TRAF7: variants seen among roughly 807,000 people sequenced by gnomAD.
TRAF7 encodes E3 ubiquitin-protein ligase TRAF7.
A neutral mutation model predicts 89.3 loss-of-function variants in TRAF7; 45 were observed. That is an observed-to-expected ratio of 0.50 (90% confidence interval 0.40 to 0.65). The LOEUF is 0.65. TRAF7 is among the 30% of genes least tolerant of loss of function. The pLI is 0.00. For missense variants in TRAF7, 677 were observed against 918.1 expected, an observed-to-expected ratio of 0.74 and a Z score of 3.39; for synonymous variants, 406 against 369.2, an observed-to-expected ratio of 1.10 and a Z score of -1.14.
chr16:2,173,142 G>A, intron 9 of TRAF7, 40 bp from the exon 10 acceptor site: 1 of 1,576,124 alleles, frequency 6.3e-7, no homozygotes, highest in Non-Finnish European at 8.6e-7. Flanking sequence ...GGAGGCACCG[G>A]CAGGGACCCG....
rs1476118719 is a variant in TRAF7 at position 2,174,209 on chromosome 16, G to C, written c.1264-42G>C. The C allele has an allele frequency of 4.4e-6, 7 of 1,605,976 alleles. No individual in the cohort carries two copies. The South Asian group carries it at 7.7e-5, about 18-fold the overall frequency. ...CCTGTCATGCTGCCCCTTGACACTGGGCTGACCTTGCTGGGACCCACTGTG... is the reference window on the plus strand; with the variant it reads ...CCTGTCATGCTGCCCCTTGACACTGCGCTGACCTTGCTGGGACCCACTGTG... On this transcript the variant is annotated intron_variant, in intron 13 of 20. Transcript: ENST00000326181.
At position 2,168,969 on chromosome 16, in the gene TRAF7, G is replaced by A. The variant is rs1033029156; in HGVS notation, c.231+801G>A. 5.3e-5 allele frequency among the ~76,000 whole-genome samples: 8 copies of A among 152,230 alleles called. No individual in the cohort carries two copies. The highest frequency in any genetic ancestry group is 2.0e-4 in the Admixed American group (3 of 15,304). On this transcript the variant is annotated intron_variant, in intron 4 of 20. Coordinates refer to ENST00000326181, the MANE Select transcript of TRAF7 (RefSeq NM_032271.3). This position sits in a 1 kb window ranked among gnomAD's most constrained non-coding sequence, Gnocchi z 4.1. ...CGGCCCTGCTGGCCCTCTTGGGACC[G>A]AGGCCTTTTCTTTTTTCCTTTTTTC...
chr16:2,169,334 T>C (rs1380725684), intron 4 of TRAF7, among the ~76,000 whole-genome samples: 1 of 152,200 alleles, frequency 6.6e-6, no homozygotes, highest in Non-Finnish European at 1.5e-5. Context: ...TGCCGGGCGC[T>C]GTGCTAGGCC....
rs1567245609 is a variant in TRAF7, at chr16:2,161,187, T to TTCCGTCCCCCTCCCTCCC, written c.-38-2684_-38-2667dup. ...AGTATCCCCCTCCTTCCCTCCCTCCTTCCGTCCCCCTCCCTCCCTCCGTCC... is the reference window on the plus strand; with the variant it reads ...AGTATCCCCCTCCTTCCCTCCCTCCTTCCGTCCCCCTCCCTCCCTCCGTCCCCCTCCCTCCCTCCGTCC... On this transcript the variant is annotated intron_variant, in intron 1 of 20. Coordinates refer to ENST00000326181, the MANE Select transcript of TRAF7 (RefSeq NM_032271.3). This position sits in a 1 kb window ranked among gnomAD's most constrained non-coding sequence, Gnocchi z 5.2. 1.1e-5 allele frequency among the ~76,000 whole-genome samples: 1 copy of TTCCGTCCCCCTCCCTCCC among 91,268 alleles called. No homozygotes were observed. Among genetic ancestry groups the TTCCGTCCCCCTCCCTCCC allele is most frequent in the Non-Finnish European group, 2.3e-5 (1 of 44,418 alleles). The allele number at this position is 91,268 out of a possible 152,430, so 59.9% of individuals were successfully genotyped here. A position where few individuals can be genotyped will look rare whatever the true frequency, so the allele number is the denominator to read the frequency against.
chr16:2,164,251 A>C (rs909228748), intron 2 of TRAF7, among the ~76,000 whole-genome samples: 15 of 149,100 alleles, frequency 1.0e-4, no homozygotes, highest in Admixed American at 6.7e-5. Flanking sequence ...TAAGCGTGTG[A>C]GTGCTGCGTG....
rs547946672 is a variant in TRAF7, at chr16:2,163,241, G to A, written c.-38-642G>A. Reference sequence around the variant, plus strand: ...GAGCCCCTGTGGCGTGGCTGGGAGTGTGGGTGACCTGCACGGGTTCCAGGG... The same window carrying A: ...GAGCCCCTGTGGCGTGGCTGGGAGTATGGGTGACCTGCACGGGTTCCAGGG... On this transcript the variant is annotated intron_variant, in intron 1 of 20. Coordinates refer to ENST00000326181, the MANE Select transcript of TRAF7 (RefSeq NM_032271.3). The surrounding 1 kb of genome is among the most constrained non-coding windows in gnomAD (Gnocchi z 4.3). Among the ~76,000 whole-genome samples, 5 of 152,330 alleles carry A rather than the reference G, an allele frequency of 3.3e-5. No individual in the cohort carries two copies. The South Asian group carries it at 1.0e-3, about 32-fold the overall frequency.
chr16:2,156,253 C>G (rs2093033883), intron 1 of TRAF7, among the ~76,000 whole-genome samples: 1 of 152,144 alleles, frequency 6.6e-6, no homozygotes, highest in African/African-American at 2.4e-5. Context: ...CGGCCCGGGT[C>G]GCTTTTTGCT....
At position 2,176,371 on chromosome 16, in the gene TRAF7, A is replaced by G; in HGVS notation, c.1985A>G (p.Asp662Gly). Residue 662 changes from aspartate to glycine, a missense_variant, in exon 20 of 21, where the codon GAT (aspartate) becomes GGT (glycine). Transcript: ENST00000326181. The part of the protein sequence containing the change: ...SRGRLFSGAV[D>G]STVKVWTC ...GGCCGACTCTTCTCAGGGGCTGTGG[A>G]TAGCACTGTGAAGGTCAGTGCCCGT... is the stretch of plus-strand genomic sequence containing the variant. 6.2e-7 allele frequency: 1 copy of G among 1,607,916 alleles called. No homozygotes were observed. Among genetic ancestry groups the G allele is most frequent in the Non-Finnish European group, 8.5e-7 (1 of 1,178,914 alleles).
In TRAF7 at chr16:2,170,625, C is replaced by T; in HGVS notation, c.243C>T (p.Ser81=). 6.2e-7 allele frequency: 1 copy of T among 1,607,978 alleles called. No individual in the cohort carries two copies. The change falls in exon 5 of 21, where the codon AGC becomes AGT. Residue 81 remains serine (S), a synonymous_variant. Transcript: ENST00000326181. ...CTCCCTCCACACAGCCCCCCATCAG[C>T]ACTCCCCGCCGCTCCGACTCCGCCA... The part of the protein sequence containing the change: ...RDEEDSMPPI[S]TPRRSDSAIS...
At chr16:2,170,082 GGTTCTCTGGGGGCCTGGCCCTGC>G (rs2093101935) in intron 4 of TRAF7, among the ~76,000 whole-genome samples, 1 of 152,200 alleles carries the variant, frequency 6.6e-6, no homozygotes, top group Non-Finnish European at 1.5e-5. Flanking sequence ...GCTCAGCCGA[GGTTCTCTGGGGGCCTGGCCCTGC>G]CTTCCCTCTG....
chr16:2,176,878 T>G lies in TRAF7; in HGVS notation c.*304T>G. 1.8e-6 allele frequency: 1 copy of G among 549,626 alleles called. No individual in the cohort carries two copies. Among genetic ancestry groups the G allele is most frequent in the South Asian group, 2.0e-5 (1 of 48,938 alleles). The allele number at this position is 549,626 out of a possible 1,614,324, so 34.0% of individuals were successfully genotyped here. A position where few individuals can be genotyped will look rare whatever the true frequency, so the allele number is the denominator to read the frequency against. On this transcript the variant is annotated 3_prime_UTR_variant, in exon 21 of 21. Transcript: ENST00000326181. Reference sequence around the variant, plus strand: ...GCCTTTTTACTCACCTTTTCTACCGTTTTTAGACTGTATGTAGATTTGGTT... The same window carrying G: ...GCCTTTTTACTCACCTTTTCTACCGGTTTTAGACTGTATGTAGATTTGGTT...
chr16:2,161,880 C>T lies in TRAF7; in HGVS notation c.-38-2003C>T, dbSNP rs918327258. Among the ~76,000 whole-genome samples the T allele has an allele frequency of 1.3e-5, 2 of 152,306 alleles. No homozygotes were observed. The highest frequency in any genetic ancestry group is 1.5e-5 in the Non-Finnish European group (1 of 68,022). On this transcript the variant is annotated intron_variant, in intron 1 of 20. Transcript: ENST00000326181. The surrounding 1 kb of genome is among the most constrained non-coding windows in gnomAD (Gnocchi z 5.2). ...GCAGAGCAGCCTTGTAGACACACCA[C>T]GACCACACCTCTGTCCCAGGGCTGA...
Position 2,172,541 on chromosome 16 carries a change from A to G in TRAF7, c.736A>G (p.Asn246Asp). 6.3e-7 allele frequency: 1 copy of G among 1,583,924 alleles called. No individual in the cohort carries two copies. Among genetic ancestry groups the G allele is most frequent in the Non-Finnish European group, 8.6e-7 (1 of 1,165,602 alleles). ...NPSCPPLLRMNLEAHLKECEH... is the reference protein window; with the variant it reads ...NPSCPPLLRMDLEAHLKECEH... ...CAGCTGCCCCCCGCTGCTCAGGATG[A>G]ACCTGGAGGCCCACCTCAAGGAGTG... Residue 246 changes from asparagine (N) to aspartate (D), a missense_variant, in exon 9 of 21, where the codon AAC (asparagine) becomes GAC (aspartate). Physicochemically the swap from Asn to Asp is conservative, Grantham distance 23. This residue lies in a region of TRAF7 where 238 missense variants were observed against 352.6 expected (regional missense o/e 0.67). Transcript: ENST00000326181.
rs572475820 is a variant in TRAF7 at position 2,159,551 on chromosome 16, C to T, written c.-39+3693C>T. Among the ~76,000 whole-genome samples, 1 of 152,302 alleles carries T rather than the reference C, an allele frequency of 6.6e-6. No individual in the cohort carries two copies. The highest frequency in any genetic ancestry group is 2.1e-4 in the South Asian group (1 of 4,832). ...AGCGGCCTGGGCTTGGGCCAGGGGG[C>T]TGAGGCAGGGGCTGGGCTGGGGCGG... On this transcript the variant is annotated intron_variant, in intron 1 of 20. Coordinates refer to ENST00000326181, the MANE Select transcript of TRAF7 (RefSeq NM_032271.3). The surrounding 1 kb of genome is among the most constrained non-coding windows in gnomAD (Gnocchi z 6.5).
At position 2,173,901 on chromosome 16, in the gene TRAF7, C is replaced by A; in HGVS notation, c.1136-20C>A. The A allele has an allele frequency of 6.2e-7, 1 of 1,610,102 alleles. No homozygotes were observed. The highest frequency in any genetic ancestry group is 1.1e-5 in the South Asian group (1 of 90,998). ...CCCGGGCCCCAACTGGGCCTTCACC[C>A]ACTGCTCCCATCTCTGCAGCCTACG... On this transcript the variant is annotated intron_variant, in intron 12 of 20. Transcript: ENST00000326181.
At position 2,171,322 on chromosome 16, in the gene TRAF7, G is replaced by A; in HGVS notation, c.407G>A (p.Ser136Asn). 1 of 1,555,492 alleles carries A rather than the reference G, an allele frequency of 6.4e-7. No homozygotes were observed. Among genetic ancestry groups the A allele is most frequent in the East Asian group, 2.4e-5 (1 of 41,742 alleles). Residue 136 changes from serine to asparagine, a missense_variant, in exon 6 of 21, where the codon AGC becomes AAC. Ser to Asn is a conservative substitution (Grantham distance 46). Around this residue, in one of 6 missense-constraint regions of TRAF7, gnomAD observed 240 missense variants for 191.9 expected, o/e 1.25. Coordinates refer to ENST00000326181, the MANE Select transcript of TRAF7 (RefSeq NM_032271.3). ...AAGCTGTGCTGTCAGCTCTGCTGCA[G>A]CGTCTTCAAAGACCCCGTGATCACC... ...SVKLCCQLCC[S>N]VFKDPVITTC...
In TRAF7 at chr16:2,170,747, C is replaced by A; in HGVS notation, c.348+17C>A. On this transcript the variant is annotated intron_variant, in intron 5 of 20. Transcript: ENST00000326181. ...GAGGAGCCGGTAGGTGTGGGGGACT[C>A]GGCGCAGAGCGGCTTCCAGGGCTGT... The A allele has an allele frequency of 6.3e-7, 1 of 1,578,526 alleles. No homozygotes were observed. Among genetic ancestry groups the A allele is most frequent in the East Asian group, 2.3e-5 (1 of 42,910 alleles).
Position 2,173,774 on chromosome 16 carries a change from C to T in TRAF7, c.1087-14C>T. The stretch of plus-strand genomic sequence containing the variant: ...CCTGCCCACCTGCCCTCTGCCCTGC[C>T]CTTGGCCCTGCAGGACGAGCTGTCC... On this transcript the variant is annotated splice_polypyrimidine_tract_variant and intron_variant, in intron 11 of 20. Coordinates refer to ENST00000326181, the MANE Select transcript of TRAF7 (RefSeq NM_032271.3). The T allele has an allele frequency of 6.2e-7, 1 of 1,609,952 alleles. No individual in the cohort carries two copies. Among genetic ancestry groups the T allele is most frequent in the Non-Finnish European group, 8.5e-7 (1 of 1,179,724 alleles).
rs758124235 is a variant in TRAF7, at chr16:2,172,607, G to GGGGGCGGGCGGGGGTGGGCC, written c.794+13_794+32dup. 4.8e-5 allele frequency: 74 copies of GGGGGCGGGCGGGGGTGGGCC among 1,543,810 alleles called. No individual in the cohort carries two copies. In the South Asian group the frequency reaches 8.5e-4, roughly 18 times the overall value. Reference sequence around the variant, plus strand: ...CCCCCACTCCAAGTACGGGTGAGTGGGGGGCGGGCGGGGGTGGGCCGGGGT... The same window carrying GGGGGCGGGCGGGGGTGGGCC: ...CCCCCACTCCAAGTACGGGTGAGTGGGGGGCGGGCGGGGGTGGGCCGGGGCGGGCGGGGGTGGGCCGGGGT... On this transcript the variant is annotated intron_variant, in intron 9 of 20. Transcript: ENST00000326181.
Sources: allele counts gnomAD v4.1 joint callset (sites outside exome capture counted in the v4.1 genomes callset), GRCh38; gene constraint gnomAD v4.1.1; regional missense constraint gnomAD v4.1.1; non-coding constraint Gnocchi (gnomAD v3.1); transcripts MANE v1.5; gene names NCBI Gene and HGNC (gene_info 2026-07-23, HGNC 2026-07-21).